The following ETFRF1 variants were observed in gnomAD, a reference collection of about 807,000 sequenced individuals.
ETFRF1 encodes the protein LYR motif containing 5.
A neutral mutation model predicts 9.0 loss-of-function variants in ETFRF1; 12 were observed. The observed-to-expected ratio is 1.34, with a 90% CI of 0.86 to 2.16. The LOEUF is 2.16. Among genes scored for constraint, ETFRF1 ranks in the 30% most tolerant of loss-of-function variants. ETFRF1 has a pLI of 0.00. For synonymous variants in ETFRF1, 34 were observed against 33.2 expected, an observed-to-expected ratio of 1.02 and a Z score of -0.08; for missense variants, 98 against 101.8, an observed-to-expected ratio of 0.96 and a Z score of 0.16.
rs1358314743 is a variant in ETFRF1 at position 25,205,114 on chromosome 12, A to AGAAAT, written c.*803_*807dup. ...TTACATAATATCCACAGCACCTTTT[A>AGAAAT]GAAATAAAGGATACTTCTAACAAGC... On this transcript the variant is annotated 3_prime_UTR_variant, in exon 3 of 3. Transcript: ENST00000381356. 2 of 216,802 alleles carry AGAAAT rather than the reference A, an allele frequency of 9.2e-6. No individual in the cohort carries two copies. Among genetic ancestry groups the AGAAAT allele is most frequent in the Admixed American group, 5.8e-5 (1 of 17,234 alleles). 13.4% of individuals were successfully genotyped at this position (216,802 alleles called of 1,614,324 possible).
chr12:25,202,365 G>T (rs1951081665), intron 1 of ETFRF1, among the ~76,000 whole-genome samples: 1 of 147,066 alleles, frequency 6.8e-6, no homozygotes, highest in Non-Finnish European at 1.5e-5. Context: ...TAGCCCAGCA[G>T]GGGATACTGG....
At chr12:25,197,676 G>A (rs886308239) in intron 1 of ETFRF1, among the ~76,000 whole-genome samples, 1 of 151,980 alleles carries the variant, frequency 6.6e-6, no homozygotes, top group African/African-American at 2.4e-5. Flanking sequence ...TCACTATGTT[G>A]CCCAGGCTGG....
intron 1 of ETFRF1, among the ~76,000 whole-genome samples, chr12:25,202,280 CA>C (rs1016786654): frequency 6.6e-5 from 10 of 151,394 alleles, no homozygotes; most frequent in African/African-American, 2.4e-4. Context: ...TAATTCAGTC[CA>C]AAAGTCATTA....
Position 25,204,428 on chromosome 12 carries a change from G to C in ETFRF1, c.*116G>C, listed in dbSNP as rs1951109237. On this transcript the variant is annotated 3_prime_UTR_variant, in exon 3 of 3. Coordinates refer to ENST00000381356, the MANE Select transcript of ETFRF1 (RefSeq NM_001001660.3). ...ATGTTGTGTAAAAAATCCCTGAGCT[G>C]CCCTACTGAACTAAATAGGTTTCAA... The C allele has an allele frequency of 9.9e-6, 8 of 808,552 alleles. No individual in the cohort carries two copies. The South Asian group carries it at 1.7e-4, about 17-fold the overall frequency. 50.1% of individuals were successfully genotyped at this position (808,552 alleles called of 1,614,324 possible). A position where few individuals can be genotyped will look rare whatever the true frequency, so the allele number is the denominator to read the frequency against.
In ETFRF1 at chr12:25,203,714, G is replaced by T. The variant is rs1951096706; in HGVS notation, c.-37-206G>T. ...CACAATCACAATTGTCTTTGCTTATGTCTCCCATAGGAAAACGTCAATTAT... is the reference window on the plus strand; with the variant it reads ...CACAATCACAATTGTCTTTGCTTATTTCTCCCATAGGAAAACGTCAATTAT... On this transcript the variant is annotated intron_variant, in intron 1 of 2. Transcript: ENST00000381356. 3 of 349,682 alleles carry T rather than the reference G, an allele frequency of 8.6e-6. No homozygotes were observed. In the South Asian group the frequency reaches 2.3e-4, roughly 27 times the overall value. The allele number at this position is 349,682 out of a possible 1,614,324, so 21.7% of individuals were successfully genotyped here.
At chr12:25,196,171 T>C (rs1464624028) in intron 1 of ETFRF1, 1 of 152,244 alleles carries the variant, frequency 6.6e-6, no homozygotes, top group Admixed American at 6.5e-5. Flanking sequence ...TATTGTAACC[T>C]GTAACTATTA....
Position 25,204,243 on chromosome 12 carries a change from T to G in ETFRF1, c.204T>G (p.Ala68=). The part of the protein sequence containing the change: ...QGEFVMKELE[A]LYFLRKYRAM... Reference sequence around the variant, plus strand: ...AATTTGTAATGAAAGAGCTAGAAGCTTTGTACTTCCTTAGGAAATACAGAG... The same window carrying G: ...AATTTGTAATGAAAGAGCTAGAAGCGTTGTACTTCCTTAGGAAATACAGAG... Residue 68 remains alanine (A), a synonymous_variant, in exon 3 of 3, where the codon GCT becomes GCG. Transcript: ENST00000381356. The G allele has an allele frequency of 6.2e-7, 1 of 1,609,540 alleles. No homozygotes were observed. The highest frequency in any genetic ancestry group is 8.5e-7 in the Non-Finnish European group (1 of 1,178,634).
At chr12:25,202,061 T>TAAAAAAAAAAAAA (rs1951077531) in intron 1 of ETFRF1, among the ~76,000 whole-genome samples, 26 of 5,720 alleles carry the variant, frequency 4.5e-3, no homozygotes, top group Admixed American at 6.9e-3. Context: ...TCTACTGAAA[T>TAAAAAAAAAAAAA]ACAAAAAAAA....
intron 1 of ETFRF1, among the ~76,000 whole-genome samples, chr12:25,197,520 G>T (rs11047890): frequency 0.042 from 6,343 of 152,246 alleles, 439 homozygotes; most frequent in African/African-American, 0.14. Context: ...AGGTTGGAGT[G>T]GTGGAACAAT....
In ETFRF1 at chr12:25,203,143, G is replaced by A. The variant is rs1394804867; in HGVS notation, c.-37-777G>A. On this transcript the variant is annotated intron_variant, in intron 1 of 2. Transcript: ENST00000381356. The stretch of plus-strand genomic sequence containing the variant: ...GTTATCAATCACAATGGAACAAATT[G>A]CAGTTGCATCCACCTGATAGGATGC... Among the ~76,000 whole-genome samples the A allele has an allele frequency of 2.0e-5, 3 of 151,998 alleles. No individual in the cohort carries two copies. In the East Asian group the frequency reaches 5.8e-4, roughly 29 times the overall value.
At chr12:25,197,633 A>AT (rs1157915056) in intron 1 of ETFRF1, among the ~76,000 whole-genome samples, 10 of 146,062 alleles carry the variant, frequency 6.8e-5, no homozygotes, top group African/African-American at 1.8e-4. Flanking sequence ...CCTGGCTAAT[A>AT]TTTTTTTACT....
At chr12:25,200,745 A>C (rs1378932293) in intron 1 of ETFRF1, among the ~76,000 whole-genome samples, 1 of 152,226 alleles carries the variant, frequency 6.6e-6, no homozygotes, top group African/African-American at 2.4e-5. Context: ...TGCTCCACAG[A>C]AACAAAAATA....
intron 1 of ETFRF1, among the ~76,000 whole-genome samples, chr12:25,198,770 C>G (rs1432411428): frequency 6.6e-6 from 1 of 152,076 alleles, no homozygotes; most frequent in African/African-American, 2.4e-5. Flanking sequence ...GAAAGAGGAG[C>G]CAGAAAAGCA....
chr12:25,202,730 T>C (rs1322418196), intron 1 of ETFRF1, among the ~76,000 whole-genome samples: 1 of 152,038 alleles, frequency 6.6e-6, no homozygotes, highest in African/African-American at 2.4e-5. Context: ...TTATAAAAAG[T>C]AAATTTATTA....
rs991168661 is a variant in ETFRF1, at chr12:25,205,108, C to T, written c.*796C>T. The T allele has an allele frequency of 9.2e-6, 2 of 216,354 alleles. No individual in the cohort carries two copies. Among genetic ancestry groups the T allele is most frequent in the South Asian group, 3.7e-4 (2 of 5,386 alleles). 13.4% of individuals were successfully genotyped at this position (216,354 alleles called of 1,614,324 possible). On this transcript the variant is annotated 3_prime_UTR_variant, in exon 3 of 3. Transcript: ENST00000381356. ...ACGCCTTTACATAATATCCACAGCA[C>T]CTTTTAGAAATAAAGGATACTTCTA... is the stretch of plus-strand genomic sequence containing the variant.
rs1308418105 is a variant in ETFRF1, at chr12:25,196,074, C to G, written c.-38+737C>G. On this transcript the variant is annotated intron_variant, in intron 1 of 2. Coordinates refer to ENST00000381356, the MANE Select transcript of ETFRF1 (RefSeq NM_001001660.3). ...GAATTATAAGTTTATAATGCTCTAT[C>G]CCTTCCAGTGTTATTGACTACATGC... 5 of 152,198 alleles carry G rather than the reference C, an allele frequency of 3.3e-5. No individual in the cohort carries two copies. The East Asian group carries it at 7.7e-4, about 23-fold the overall frequency. 9.4% of individuals were successfully genotyped at this position (152,198 alleles called of 1,614,324 possible).
intron 1 of ETFRF1, among the ~76,000 whole-genome samples, chr12:25,196,548 G>T (rs1951012872): frequency 6.6e-6 from 1 of 152,160 alleles, no homozygotes; most frequent in Non-Finnish European, 1.5e-5. Flanking sequence ...CATTAGCCTG[G>T]AACTGGAACT....
chr12:25,198,659 G>GA (rs1391688948), intron 1 of ETFRF1, among the ~76,000 whole-genome samples: 1 of 152,074 alleles, frequency 6.6e-6, no homozygotes. Flanking sequence ...AACTTGGAAA[G>GA]AAAAAATGCC....
chr12:25,195,244 G>A lies in ETFRF1; in HGVS notation c.-131G>A, dbSNP rs1251153124. 8.2e-6 allele frequency: 6 copies of A among 728,480 alleles called. No individual in the cohort carries two copies. The highest frequency in any genetic ancestry group is 3.7e-4 in the Middle Eastern group (1 of 2,682). 45.1% of individuals were successfully genotyped at this position (728,480 alleles called of 1,614,324 possible). A position where few individuals can be genotyped will look rare whatever the true frequency, so the allele number is the denominator to read the frequency against. On this transcript the variant is annotated 5_prime_UTR_variant, in exon 1 of 3. Transcript: ENST00000381356. ...CGGCGCCCCGCCCCCTTTACTGACA[G>A]GTTGCCCACCTCCCCCAACGCCACC...
Sources: allele counts gnomAD v4.1 joint callset (sites outside exome capture counted in the v4.1 genomes callset), GRCh38; gene constraint gnomAD v4.1.1; transcripts MANE v1.5; gene names NCBI Gene and HGNC (gene_info 2026-07-23, HGNC 2026-07-21).